The following TNNI3K variants were observed in gnomAD, a reference collection of about 807,000 sequenced individuals.
TNNI3K encodes the protein serine/threonine-protein kinase TNNI3K.
A neutral mutation model predicts 114.5 loss-of-function variants in TNNI3K; 140 were observed. That is an observed-to-expected ratio of 1.22 (90% CI 1.07 to 1.41). The LOEUF (loss-of-function observed/expected upper bound fraction) is 1.41, where lower values mean the gene tolerates loss of function less well. TNNI3K is among the 40% of genes most tolerant of loss of function. The pLI is 0.00. For missense variants in TNNI3K, 1,125 were observed against 1,007.6 expected (o/e 1.12, Z -1.58); for synonymous variants, 347 against 347.5 (o/e 1.00, Z 0.02).
chr1:74,354,501 G>T (rs537057320), intron 11 of TNNI3K, among the ~76,000 whole-genome samples: 18 of 151,524 alleles, frequency 1.2e-4, no homozygotes, highest in Non-Finnish European at 2.1e-4. Flanking sequence ...GAAGTACAAG[G>T]GGGGGGGAAA....
At chr1:74,381,543 A>T (rs978598515) in intron 17 of TNNI3K, among the ~76,000 whole-genome samples, 2 of 152,112 alleles carry the variant, frequency 1.3e-5, no homozygotes, top group Non-Finnish European at 2.9e-5. Flanking sequence ...TCTCAGATGG[A>T]TAATTTCTTC....
At chr1:74,457,844 T>G (rs1284851688) in intron 20 of TNNI3K, among the ~76,000 whole-genome samples, 1 of 152,164 alleles carries the variant, frequency 6.6e-6, no homozygotes, top group South Asian at 2.1e-4. Flanking sequence ...CTCTGCATAG[T>G]CATATTGCAT....
chr1:74,315,586 A>T (rs1659261135), intron 5 of TNNI3K, among the ~76,000 whole-genome samples: 1 of 151,958 alleles, frequency 6.6e-6, no homozygotes, highest in South Asian at 2.1e-4. Flanking sequence ...TTGTAGGAAA[A>T]CAAGATAGCT....
At chr1:74,505,550 ATTG>A in intron 23 of TNNI3K, among the ~76,000 whole-genome samples, 1 of 151,654 alleles carries the variant, frequency 6.6e-6, no homozygotes, top group East Asian at 1.9e-4. Flanking sequence ...TTCCTCATGG[ATTG>A]TTTTTTCTTT....
chr1:74,479,372 CA>C (rs570670858), intron 21 of TNNI3K, among the ~76,000 whole-genome samples: 1 of 152,126 alleles, frequency 6.6e-6, no homozygotes, highest in Non-Finnish European at 1.5e-5. Flanking sequence ...TTTTAAATTA[CA>C]AAAAATATAT....
chr1:74,304,874 C>T (rs1307081595), intron 5 of TNNI3K, among the ~76,000 whole-genome samples: 2 of 152,146 alleles, frequency 1.3e-5, no homozygotes, highest in African/African-American at 4.8e-5. Context: ...ATGTGTGTGA[C>T]TTATTTTATT....
intron 18 of TNNI3K, 92 bp downstream of exon 18, chr1:74,436,224 C>T: frequency 6.7e-7 from 1 of 1,500,172 alleles, no homozygotes; most frequent in South Asian, 1.2e-5. Flanking sequence ...GAACACTGAA[C>T]ACTGACAGCT....
intron 23 of TNNI3K, among the ~76,000 whole-genome samples, chr1:74,522,460 T>C (rs550475353): frequency 6.6e-6 from 1 of 152,254 alleles, no homozygotes; most frequent in Non-Finnish European, 1.5e-5. Context: ...ACTTCCAGAA[T>C]GGTGCTTGGG....
At chr1:74,358,953 A>G (rs1290278111) in intron 11 of TNNI3K, among the ~76,000 whole-genome samples, 1 of 151,992 alleles carries the variant, frequency 6.6e-6, no homozygotes, top group Admixed American at 6.6e-5. Flanking sequence ...ATATAATTTA[A>G]TCAAAATAAC....
chr1:74,518,896 T>C (rs1240115810), intron 23 of TNNI3K, among the ~76,000 whole-genome samples: 6 of 106,936 alleles, frequency 5.6e-5, no homozygotes, highest in African/African-American at 1.2e-4. Context: ...TTTTTTTTTA[T>C]TATACTCTAA....
Position 74,466,620 on chromosome 1 carries a change from G to C in TNNI3K, c.2121+3070G>C, listed in dbSNP as rs539721385. 7.4e-4 allele frequency among the ~76,000 whole-genome samples: 112 copies of C among 152,332 alleles called. 1 individual carries two copies. Among genetic ancestry groups the C allele is most frequent in the African/African-American group, 2.5e-3 (104 of 41,572 alleles). On this transcript the variant is annotated intron_variant, in intron 21 of 24. Transcript: ENST00000326637. ...ATTAGGAAAGCAAAGTCTTCAGCTG[G>C]CTTGAGATATGTGGGTCTGCCAGTC...
At chr1:74,507,447 C>T (rs909797926) in intron 23 of TNNI3K, among the ~76,000 whole-genome samples, 9 of 152,142 alleles carry the variant, frequency 5.9e-5, no homozygotes, top group African/African-American at 1.4e-4. Context: ...CACATGCGCA[C>T]GCACTTACAC....
intron 21 of TNNI3K, among the ~76,000 whole-genome samples, chr1:74,474,869 C>T (rs573789278): frequency 1.3e-5 from 2 of 152,136 alleles, no homozygotes; most frequent in South Asian, 4.2e-4. Context: ...TTAGAGGGCC[C>T]ATTCTTCTAA....
chr1:74,533,722 C>G (rs1360561070), intron 23 of TNNI3K, among the ~76,000 whole-genome samples: 1 of 151,814 alleles, frequency 6.6e-6, no homozygotes, highest in East Asian at 1.9e-4. Flanking sequence ...CCATGGAATA[C>G]TATGCAGCCA....
At chr1:74,295,998 G>A (rs1255198584) in intron 5 of TNNI3K, among the ~76,000 whole-genome samples, 2 of 152,054 alleles carry the variant, frequency 1.3e-5, no homozygotes, top group South Asian at 2.1e-4. Flanking sequence ...AATTTGGGCC[G>A]GGCGCCATGG....
chr1:74,271,744 T>G, intron 5 of TNNI3K, 36 bp downstream of exon 5: 1 of 1,530,828 alleles, frequency 6.5e-7, no homozygotes, highest in Non-Finnish European at 8.9e-7. Context: ...AAAACAAAGG[T>G]TATTTACCTT....
intron 17 of TNNI3K, among the ~76,000 whole-genome samples, chr1:74,394,321 T>A (rs1218690464): frequency 6.6e-6 from 1 of 152,202 alleles, no homozygotes; most frequent in East Asian, 1.9e-4. Flanking sequence ...CTGTTGAATT[T>A]TTAGAGTCTG....
At chr1:74,384,682 A>G (rs1026669271) in intron 17 of TNNI3K, among the ~76,000 whole-genome samples, 3 of 152,152 alleles carry the variant, frequency 2.0e-5, no homozygotes, top group African/African-American at 7.2e-5. Context: ...CAGTCAAATT[A>G]TTTAAATATT....
At chr1:74,349,722 T>G (rs908484695) in intron 9 of TNNI3K, among the ~76,000 whole-genome samples, 4 of 152,198 alleles carry the variant, frequency 2.6e-5, no homozygotes, top group African/African-American at 7.2e-5. Flanking sequence ...GTCGAGGAAT[T>G]TATCCATTTC....
Sources: allele counts gnomAD v4.1 joint callset (sites outside exome capture counted in the v4.1 genomes callset), GRCh38; gene constraint gnomAD v4.1.1; transcripts MANE v1.5; gene names NCBI Gene and HGNC (gene_info 2026-07-23, HGNC 2026-07-21).